The following CSMD3 variants were observed in gnomAD, a reference collection of about 807,000 sequenced individuals.
CSMD3 encodes CUB and Sushi multiple domains 3.
Under a neutral mutation model 435.2 loss-of-function variants are expected in CSMD3, and 177 were observed. The observed-to-expected ratio is 0.41, with a 90% CI of 0.36 to 0.46. CSMD3 has a LOEUF of 0.46. CSMD3 is among the 20% of genes least tolerant of loss of function. The pLI is 0.34. For synonymous variants in CSMD3, 1,656 were observed against 1,520.5 expected (o/e 1.09, Z -2.07); for missense variants, 4,265 against 4,504.6 (o/e 0.95, Z 1.52).
intron 35 of CSMD3, among the ~76,000 whole-genome samples, chr8:112,397,553 C>CT (rs1366005485): frequency 6.6e-6 from 1 of 152,134 alleles, no homozygotes; most frequent in Non-Finnish European, 1.5e-5. Context: ...GTTCTGGAAG[C>CT]TGGGAAGTCA....
chr8:112,281,726 T>C (rs1818666674), intron 58 of CSMD3, among the ~76,000 whole-genome samples: 1 of 152,064 alleles, frequency 6.6e-6, no homozygotes, highest in South Asian at 2.1e-4. Context: ...TAACAATGAG[T>C]GATGAGATGC....
At chr8:113,412,860 G>A (rs759841870) in intron 1 of CSMD3, among the ~76,000 whole-genome samples, 24 of 151,954 alleles carry the variant, frequency 1.6e-4, no homozygotes, top group Admixed American at 7.2e-4. Context: ...ATAAAGCCAG[G>A]GAATCTGAAA....
At chr8:112,639,742 A>T (rs990393898) in intron 20 of CSMD3, among the ~76,000 whole-genome samples, 17 of 152,092 alleles carry the variant, frequency 1.1e-4, no homozygotes, top group African/African-American at 4.1e-4. Flanking sequence ...TCTCAATATC[A>T]TTGTGCATAG....
intron 1 of CSMD3, among the ~76,000 whole-genome samples, chr8:113,331,450 TCTGATATCA>T (rs1175951171): frequency 6.6e-6 from 1 of 151,692 alleles, no homozygotes; most frequent in East Asian, 1.9e-4. Context: ...ACCATCTTGC[TCTGATATCA>T]AAAAACAAAG....
At chr8:112,564,620 A>G (rs1047409767) in intron 24 of CSMD3, among the ~76,000 whole-genome samples, 2 of 152,026 alleles carry the variant, frequency 1.3e-5, no homozygotes, top group African/African-American at 2.4e-5. Flanking sequence ...TGACAGCACC[A>G]TACTCCTGCC....
chr8:112,336,086 A>AT, intron 44 of CSMD3, among the ~76,000 whole-genome samples: 1 of 151,214 alleles, frequency 6.6e-6, no homozygotes, highest in Non-Finnish European at 1.5e-5. Flanking sequence ...CTAATTTTTT[A>AT]TTTTTTCTAG....
At chr8:112,948,331 C>A (rs1460161095) in intron 8 of CSMD3, among the ~76,000 whole-genome samples, 1 of 151,944 alleles carries the variant, frequency 6.6e-6, no homozygotes, top group African/African-American at 2.4e-5. Flanking sequence ...AGTTCTAACA[C>A]TTCTTATCTG....
At chr8:113,422,550 A>G (rs2094613652) in intron 1 of CSMD3, among the ~76,000 whole-genome samples, 1 of 152,160 alleles carries the variant, frequency 6.6e-6, no homozygotes, top group Non-Finnish European at 1.5e-5. Flanking sequence ...GGGGCCATGT[A>G]GAATTTCATG....
chr8:113,098,702 C>G lies in CSMD3; in HGVS notation c.917+54G>C, dbSNP rs763228486. On this transcript the variant is annotated intron_variant, in intron 5 of 70. Transcript: ENST00000297405. ...AGTCCACATTCAGTTGTTCTTTGTT[C>G]CTTAGTTTGCTTCAACAACATCAAT... 29 of 1,186,986 alleles carry G rather than the reference C, an allele frequency of 2.4e-5. No homozygotes were observed. In the Admixed American group the frequency reaches 2.7e-4, roughly 11 times the overall value. 73.5% of individuals were successfully genotyped at this position (1,186,986 alleles called of 1,614,324 possible).
rs998298609 is a variant in CSMD3 at position 112,989,687 on chromosome 8, G to A, written c.1031-13539C>T. Among the ~76,000 whole-genome samples, 3 of 151,912 alleles carry A rather than the reference G, an allele frequency of 2.0e-5. No homozygotes were observed. The Admixed American group carries it at 2.0e-4, about 10-fold the overall frequency. On this transcript the variant is annotated intron_variant, in intron 6 of 70. Transcript: ENST00000297405. The stretch of plus-strand genomic sequence containing the variant: ...GATGGAGTCTATTTCCCACCCACTT[G>A]GGTAAGGATGTCCTAATGACTTGCT...
At chr8:113,332,288 C>T (rs2094033821) in intron 1 of CSMD3, among the ~76,000 whole-genome samples, 6 of 145,022 alleles carry the variant, frequency 4.1e-5, no homozygotes, top group Admixed American at 4.1e-4. Flanking sequence ...ACAGCATTAC[C>T]ACAAAACTTC....
chr8:112,502,966 A>G (rs994909255), intron 30 of CSMD3, among the ~76,000 whole-genome samples: 2 of 152,206 alleles, frequency 1.3e-5, no homozygotes, highest in Non-Finnish European at 2.9e-5. Flanking sequence ...ATTTTAGAAA[A>G]ATATATTTAT....
rs1586856252 is a variant in CSMD3, at chr8:112,636,801, G to A, written c.3715+16C>T. The A allele has an allele frequency of 1.9e-6, 3 of 1,608,734 alleles. No homozygotes were observed. The East Asian group carries it at 6.7e-5, about 36-fold the overall frequency. ...TGACTACACATACAAGCAAATGAAAGCAGCTGACCACGTACCCACACACCT... is the reference window on the plus strand; with the variant it reads ...TGACTACACATACAAGCAAATGAAAACAGCTGACCACGTACCCACACACCT... On this transcript the variant is annotated intron_variant, in intron 22 of 70. Coordinates refer to ENST00000297405, the MANE Select transcript of CSMD3 (RefSeq NM_198123.2).
At chr8:113,161,942 T>G (rs923649643) in intron 4 of CSMD3, among the ~76,000 whole-genome samples, 1 of 152,180 alleles carries the variant, frequency 6.6e-6, no homozygotes, top group African/African-American at 2.4e-5. Context: ...TATACATGAC[T>G]AAATAACATT....
At chr8:112,228,176 A>G (rs557147166) in intron 70 of CSMD3, among the ~76,000 whole-genome samples, 3 of 152,310 alleles carry the variant, frequency 2.0e-5, no homozygotes, top group African/African-American at 7.2e-5. Context: ...ACTCACCAGG[A>G]TTTGTAATGG....
intron 1 of CSMD3, among the ~76,000 whole-genome samples, chr8:113,328,537 G>A (rs537133229): frequency 4.6e-5 from 7 of 151,708 alleles, no homozygotes; most frequent in Middle Eastern, 3.5e-3. Context: ...AGCTAGGATA[G>A]CCATGCACTA....
intron 13 of CSMD3, among the ~76,000 whole-genome samples, chr8:112,755,208 G>A (rs939931097): frequency 6.6e-6 from 1 of 151,978 alleles, no homozygotes; most frequent in Non-Finnish European, 1.5e-5. Context: ...GCGGGCACCT[G>A]CAGTCCCAGC....
At chr8:112,913,110 C>CT (rs1189557283) in intron 10 of CSMD3, among the ~76,000 whole-genome samples, 2 of 151,916 alleles carry the variant, frequency 1.3e-5, no homozygotes, top group Non-Finnish European at 2.9e-5. Flanking sequence ...AACTCAGGTA[C>CT]TTTTTTCTGT....
At chr8:113,383,404 T>A (rs1336897252) in intron 1 of CSMD3, among the ~76,000 whole-genome samples, 1 of 152,146 alleles carries the variant, frequency 6.6e-6, no homozygotes, top group Non-Finnish European at 1.5e-5. Flanking sequence ...TTATTACAGC[T>A]GTAGACTCTA....
Sources: gnomAD v4.1 joint callset for allele counts (sites outside exome capture counted in the v4.1 genomes callset) on GRCh38, gnomAD v4.1.1 for gene constraint, MANE v1.5 for transcripts, NCBI Gene and HGNC (gene_info 2026-07-23, HGNC 2026-07-21) for gene names.